Variants in CSMD1 observed in about 807,000 individuals in gnomAD.
CSMD1 encodes the protein CUB and Sushi multiple domains 1.
A neutral mutation model predicts 417.5 loss-of-function variants in CSMD1; 213 were observed. That is an observed-to-expected ratio of 0.51 (90% confidence interval 0.46 to 0.57). The LOEUF is 0.57. Among genes scored for constraint, CSMD1 ranks in the 20% least tolerant of loss-of-function variants. The pLI is 0.00. For missense variants in CSMD1, 6,923 were observed against 4,529.7 expected (o/e 1.53, Z -15.17); for synonymous variants, 2,862 against 1,736.8 (o/e 1.65, Z -16.11).
intron 3 of CSMD1, among the ~76,000 whole-genome samples, chr8:4,093,955 C>G (rs1175924421): frequency 6.9e-6 from 1 of 145,342 alleles, no homozygotes; most frequent in African/African-American, 2.6e-5. Context: ...GTGACTGAGA[C>G]TACATCTCAA....
chr8:4,498,608 T>C lies in CSMD1; in HGVS notation c.303-78543A>G, dbSNP rs528125207. 4.6e-5 allele frequency among the ~76,000 whole-genome samples: 7 copies of C among 152,282 alleles called. No individual in the cohort carries two copies. In the South Asian group the frequency reaches 1.5e-3, roughly 32 times the overall value. On this transcript the variant is annotated intron_variant, in intron 2 of 69. Coordinates refer to ENST00000635120, the MANE Select transcript of CSMD1 (RefSeq NM_033225.6). ...CAATTATAAAATAGTTCATTCAAAA[T>C]AGTGTTGTCAAGGTAAAATAAAGTT...
chr8:3,831,328 T>C (rs1205456009), intron 5 of CSMD1, among the ~76,000 whole-genome samples: 2 of 152,178 alleles, frequency 1.3e-5, no homozygotes, highest in Non-Finnish European at 2.9e-5. Context: ...GACAGCTCCA[T>C]CTGTCTCCTT....
chr8:4,459,661 T>C (rs1367955558), intron 2 of CSMD1, among the ~76,000 whole-genome samples: 2 of 152,198 alleles, frequency 1.3e-5, no homozygotes, highest in African/African-American at 4.8e-5. Flanking sequence ...CTCAAAAATA[T>C]CTCCTGCAAA....
chr8:4,845,090 C>T (rs530103048), intron 1 of CSMD1, among the ~76,000 whole-genome samples: 26 of 152,170 alleles, frequency 1.7e-4, no homozygotes, highest in Admixed American at 7.2e-4. Context: ...TTCTTTATTA[C>T]ATATCTGTGT....
intron 11 of CSMD1, among the ~76,000 whole-genome samples, chr8:3,481,154 C>CAAAAAA (rs1221192557): frequency 8.6e-5 from 6 of 69,430 alleles, no homozygotes; most frequent in Admixed American, 3.6e-4. Flanking sequence ...GACTCCATCT[C>CAAAAAA]AAAAAAAAAA....
At position 4,463,215 on chromosome 8, in the gene CSMD1, T is replaced by G. The variant is rs775988853; in HGVS notation, c.303-43150A>C. Among the ~76,000 whole-genome samples the G allele has an allele frequency of 2.6e-5, 4 of 152,140 alleles. No homozygotes were observed. The South Asian group carries it at 8.3e-4, about 32-fold the overall frequency. On this transcript the variant is annotated intron_variant, in intron 2 of 69. Coordinates refer to ENST00000635120, the MANE Select transcript of CSMD1 (RefSeq NM_033225.6). ...TCAGCATCCTTAGCCATCAAGGAAA[T>G]GCAAATCAAAGACGTACTGAGATAC...
intron 8 of CSMD1, among the ~76,000 whole-genome samples, chr8:3,602,942 T>C (rs1171038854): frequency 2.0e-5 from 3 of 152,216 alleles, no homozygotes; most frequent in Non-Finnish European, 4.4e-5. Flanking sequence ...TTTAAATGTG[T>C]ATTTTATTTT....
intron 1 of CSMD1, among the ~76,000 whole-genome samples, chr8:4,893,616 G>C (rs1804277608): frequency 6.6e-6 from 1 of 152,120 alleles, no homozygotes; most frequent in African/African-American, 2.4e-5. Context: ...TCTGCAATAA[G>C]ATATGCTAAT....
rs117184370 is a variant in CSMD1 at position 4,526,423 on chromosome 8, T to C, written c.303-106358A>G. The stretch of plus-strand genomic sequence containing the variant: ...TTACTTATGTATGCCCAAGGGCAAA[T>C]GCCTAGTACTAAAAAACTATAAAAT... On this transcript the variant is annotated intron_variant, in intron 2 of 69. Transcript: ENST00000635120. 5.5e-4 allele frequency among the ~76,000 whole-genome samples: 84 copies of C among 152,330 alleles called. 1 individual carries two copies. In the East Asian group the frequency reaches 0.015, roughly 27 times the overall value.
At chr8:4,716,244 T>C (rs745704086) in intron 1 of CSMD1, among the ~76,000 whole-genome samples, 5 of 152,166 alleles carry the variant, frequency 3.3e-5, no homozygotes, top group African/African-American at 9.6e-5. Context: ...CAAGAATCCT[T>C]ACACTTCAAG....
At chr8:4,863,532 C>G (rs1168626488) in intron 1 of CSMD1, among the ~76,000 whole-genome samples, 1 of 152,118 alleles carries the variant, frequency 6.6e-6, no homozygotes, top group East Asian at 1.9e-4. Context: ...GTAACTCATT[C>G]CTATTGGTAT....
intron 51 of CSMD1, 148 bp from the exon 52 acceptor site, chr8:3,018,798 T>C: frequency 1.5e-6 from 1 of 664,766 alleles, no homozygotes; most frequent in Admixed American, 3.0e-5. Flanking sequence ...AGTGTCTGCT[T>C]AGGGCTGGAT....
chr8:4,531,882 T>C (rs112136860), intron 2 of CSMD1, among the ~76,000 whole-genome samples: 8,350 of 151,772 alleles, frequency 0.055, 402 homozygotes, highest in Admixed American at 0.14. Flanking sequence ...GGAAGAGAAA[T>C]CCTGCACCCC....
At chr8:4,476,788 T>A (rs533948859) in intron 2 of CSMD1, among the ~76,000 whole-genome samples, 1 of 152,314 alleles carries the variant, frequency 6.6e-6, no homozygotes, top group East Asian at 1.9e-4. Context: ...AGAGAGCACC[T>A]GACACATGAA....
intron 3 of CSMD1, among the ~76,000 whole-genome samples, chr8:4,243,064 T>A (rs547457289): frequency 6.6e-6 from 1 of 151,988 alleles, no homozygotes; most frequent in East Asian, 1.9e-4. Flanking sequence ...TCAGGGGTAG[T>A]TTTTTCCTTT....
At chr8:4,493,134 G>T (rs1439781249) in intron 2 of CSMD1, among the ~76,000 whole-genome samples, 2 of 152,136 alleles carry the variant, frequency 1.3e-5, no homozygotes, top group Non-Finnish European at 1.5e-5. Context: ...GGTACCGTAA[G>T]AAGACTAGAT....
chr8:4,410,113 C>G (rs1219542038), intron 3 of CSMD1, among the ~76,000 whole-genome samples: 1 of 152,138 alleles, frequency 6.6e-6, no homozygotes, highest in Non-Finnish European at 1.5e-5. Context: ...CGTACCCGGT[C>G]CCATACTTTA....
intron 1 of CSMD1, among the ~76,000 whole-genome samples, chr8:4,668,985 T>C (rs539459564): frequency 6.6e-5 from 10 of 152,318 alleles, no homozygotes; most frequent in Non-Finnish European, 1.5e-4. Flanking sequence ...TTTGGTTTCT[T>C]AGGTGTCTAA....
rs758508382 is a variant in CSMD1 at position 3,493,697 on chromosome 8, C to T, written c.1374G>A (p.Glu458=). ...KVIKLAFEEF[E]LERGYDTLTV... ...TCAGGGTGTCATAGCCTCGCTCCAG[C>T]TCAAACTCTTCAAAGGCAAGCTTGA... Residue 458 remains glutamate (E), a synonymous_variant, in exon 11 of 70, where the codon GAG becomes GAA. Coordinates refer to ENST00000635120, the MANE Select transcript of CSMD1 (RefSeq NM_033225.6). 5.0e-6 allele frequency: 8 copies of T among 1,611,700 alleles called. No homozygotes were observed. The highest frequency in any genetic ancestry group is 1.7e-5 in the Admixed American group (1 of 59,822).
Sources: allele counts gnomAD v4.1 joint callset (sites outside exome capture counted in the v4.1 genomes callset), GRCh38; gene constraint gnomAD v4.1.1; transcripts MANE v1.5; gene names NCBI Gene and HGNC (gene_info 2026-07-23, HGNC 2026-07-21).